Variants in ADD2 observed in about 807,000 individuals in gnomAD.
ADD2 encodes adducin 2.
ADD2 carries 23 observed loss-of-function variants against 83.0 expected under a neutral mutation model. The observed-to-expected ratio is 0.28, with a 90% confidence interval of 0.20 to 0.39. The LOEUF (loss-of-function observed/expected upper bound fraction) is 0.39, where lower values mean the gene tolerates loss of function less well. ADD2 is among the 10% of genes least tolerant of loss of function. ADD2 has a pLI of 1.00. For missense variants in ADD2, 758 were observed against 944.9 expected (o/e 0.80, Z 2.59); for synonymous variants, 375 against 375.4 (o/e 1.00, Z 0.01).
Position 70,727,389 on chromosome 2 carries a change from G to GCCTCTC in ADD2, c.-153-14211_-153-14206dup, listed in dbSNP as rs113130593. On this transcript the variant is annotated intron_variant, in intron 1 of 15. Transcript: ENST00000264436. ...TCCTTCCATTCCCCAACGCCTAATT[G>GCCTCTC]CCTCTCCCTCTCCCTCTCCCTCTCC... 1.2e-3 allele frequency among the ~76,000 whole-genome samples: 186 copies of GCCTCTC among 151,882 alleles called. 1 individual carries two copies. The highest frequency in any genetic ancestry group is 2.0e-3 in the Admixed American group (30 of 15,244).
intron 13 of ADD2, chr2:70,675,360 T>G: frequency 1.0e-6 from 1 of 985,990 alleles, no homozygotes; most frequent in Non-Finnish European, 1.2e-6. Context: ...TCACACACAG[T>G]TGTAAGTGAC....
chr2:70,765,098 A>G (rs1675310463), intron 1 of ADD2, among the ~76,000 whole-genome samples: 4 of 151,920 alleles, frequency 2.6e-5, no homozygotes, highest in African/African-American at 9.7e-5. Context: ...CACACTTGTA[A>G]TCCCAGCACT....
intron 1 of ADD2, among the ~76,000 whole-genome samples, chr2:70,761,150 A>G (rs1204904187): frequency 6.6e-6 from 1 of 152,202 alleles, no homozygotes; most frequent in Non-Finnish European, 1.5e-5. Context: ...TGTAACTCTC[A>G]GTCTAGATAG....
intron 1 of ADD2, among the ~76,000 whole-genome samples, chr2:70,763,669 T>C (rs1168189096): frequency 6.6e-6 from 1 of 151,994 alleles, no homozygotes; most frequent in African/African-American, 2.4e-5. Context: ...AAAATTAATT[T>C]ATTGCAATAG....
At chr2:70,677,734 G>A (rs1574228735) in intron 12 of ADD2, 24 bp downstream of exon 12, 2 of 1,609,464 alleles carry the variant, frequency 1.2e-6, no homozygotes, top group East Asian at 2.2e-5. Context: ...AGAAGAAAGA[G>A]TGGGATAAAC....
chr2:70,674,554 T>C, intron 14 of ADD2, 124 bp downstream of exon 14: 1 of 1,094,940 alleles, frequency 9.1e-7, no homozygotes, highest in Non-Finnish European at 1.3e-6. Context: ...ATTTTTGTGA[T>C]TAATGGAACT....
At chr2:70,691,123 C>G (rs1671013810) in intron 7 of ADD2, among the ~76,000 whole-genome samples, 194 bp from the exon 8 acceptor site, 1 of 152,216 alleles carries the variant, frequency 6.6e-6, no homozygotes, top group Non-Finnish European at 1.5e-5. Flanking sequence ...GCTGCTTGCT[C>G]TAGTGTCTTT....
chr2:70,751,455 A>G (rs1553382932), intron 1 of ADD2, among the ~76,000 whole-genome samples: 1 of 152,258 alleles, frequency 6.6e-6, no homozygotes, highest in Non-Finnish European at 1.5e-5. Context: ...TTAGCATATT[A>G]AAAGTCCTAA....
Position 70,678,720 on chromosome 2 carries a change from G to A in ADD2, c.1367C>T (p.Pro456Leu), listed in dbSNP as rs1670302736. 1.9e-6 allele frequency: 3 copies of A among 1,574,400 alleles called. No individual in the cohort carries two copies. The highest frequency in any genetic ancestry group is 2.6e-6 in the Non-Finnish European group (3 of 1,158,004). The change falls in exon 11 of 16, where the codon CCC becomes CTC. Residue 456 changes from proline to leucine, a missense_variant. Coordinates refer to ENST00000264436, the MANE Select transcript of ADD2 (RefSeq NM_001617.4). ...ADEVQRSMGS[P>L]RPKTTWMKAD... is the part of the protein sequence containing the mutation. ...CCCCCTTACCGTGGTCTTGGGTCGG[G>A]GGCTGCCCATGCTCCTCTGGACCTC...
At chr2:70,736,893 C>T (rs1158021428) in intron 1 of ADD2, among the ~76,000 whole-genome samples, 1 of 151,802 alleles carries the variant, frequency 6.6e-6, no homozygotes, top group Non-Finnish European at 1.5e-5. Flanking sequence ...AAACAAACAA[C>T]CCCATCAAAA....
intron 1 of ADD2, among the ~76,000 whole-genome samples, chr2:70,737,678 A>G (rs1442885245): frequency 2.0e-5 from 3 of 152,184 alleles, no homozygotes; most frequent in Non-Finnish European, 4.4e-5. Context: ...TACATATGTA[A>G]CAAACCTGCA....
intron 1 of ADD2, among the ~76,000 whole-genome samples, chr2:70,730,667 T>C (rs1219251917): frequency 6.6e-6 from 1 of 152,272 alleles, no homozygotes; most frequent in Non-Finnish European, 1.5e-5. Context: ...TCAGTGCTCC[T>C]GGAAGAGTTG....
At chr2:70,700,859 A>G (rs1671551541) in intron 4 of ADD2, among the ~76,000 whole-genome samples, 1 of 152,154 alleles carries the variant, frequency 6.6e-6, no homozygotes, top group African/African-American at 2.4e-5. Flanking sequence ...ATATATGACG[A>G]AAATTTAACC....
intron 14 of ADD2, 179 bp from the exon 15 acceptor site, chr2:70,673,185 T>TG: frequency 6.3e-7 from 1 of 1,596,026 alleles, no homozygotes; most frequent in Non-Finnish European, 8.6e-7. Flanking sequence ...GCTACTTCCC[T>TG]GGGAAGGCCA....
intron 1 of ADD2, among the ~76,000 whole-genome samples, chr2:70,735,858 C>CT (rs374727628): frequency 0.82 from 59,765 of 72,516 alleles, 25,649 homozygotes; most frequent in East Asian, 0.9. Context: ...CCATGCCCGG[C>CT]TTTTTTTTTT....
chr2:70,752,469 C>A (rs1444715885), intron 1 of ADD2, among the ~76,000 whole-genome samples: 1 of 152,078 alleles, frequency 6.6e-6, no homozygotes. Context: ...CACAGCCTGA[C>A]ATGCAGGAAG....
At chr2:70,674,653 A>G (rs74768494) in intron 14 of ADD2, 25 bp downstream of exon 14, 232,079 of 1,600,498 alleles carry the variant, frequency 0.15, 18,053 homozygotes, top group Admixed American at 0.26. Flanking sequence ...ACTTGGAAGC[A>G]AGGGTGTGCC....
At position 70,676,671 on chromosome 2, in the gene ADD2, C is replaced by T. The variant is rs782219730; in HGVS notation, c.1593+125G>A. The T allele has an allele frequency of 1.5e-5, 23 of 1,504,388 alleles. No homozygotes were observed. Among genetic ancestry groups the T allele is most frequent in the East Asian group, 4.9e-5 (2 of 40,584 alleles). 93.2% of individuals were successfully genotyped at this position (1,504,388 alleles called of 1,614,324 possible). A position where few individuals can be genotyped will look rare whatever the true frequency, so the allele number is the denominator to read the frequency against. On this transcript the variant is annotated intron_variant, in intron 13 of 15. Transcript: ENST00000264436. The surrounding 1 kb of genome is among the most constrained non-coding windows in gnomAD (Gnocchi z 4.8). ...GGCCTCCATTTTGCAGCAAGAGCAC[C>T]GGCACCCAAGATCACAGGGGAAGGT... is the stretch of plus-strand genomic sequence containing the variant.
intron 1 of ADD2, among the ~76,000 whole-genome samples, chr2:70,734,063 CT>C (rs1673404784): frequency 6.6e-6 from 1 of 152,300 alleles, no homozygotes; most frequent in East Asian, 1.9e-4. Flanking sequence ...CTCCACCCCC[CT>C]CTCCCCGGGG....
Sources: allele counts gnomAD v4.1 joint callset (sites outside exome capture counted in the v4.1 genomes callset), GRCh38; gene constraint gnomAD v4.1.1; non-coding constraint Gnocchi (gnomAD v3.1); transcripts MANE v1.5; gene names NCBI Gene and HGNC (gene_info 2026-07-23, HGNC 2026-07-21).